CCDC7: variants seen among roughly 807,000 people sequenced by gnomAD.
The protein encoded by CCDC7 is coiled-coil domain-containing protein 7.
Under a neutral mutation model 196.9 loss-of-function variants are expected in CCDC7, and 183 were observed. That is an observed-to-expected ratio of 0.93 (90% CI 0.82 to 1.05). CCDC7 has a LOEUF of 1.05. CCDC7 is among the 50% of genes least tolerant of loss of function. The pLI, the probability that CCDC7 is intolerant of heterozygous loss-of-function variation, is 0.00. For synonymous variants in CCDC7, 525 were observed against 484.6 expected, an observed-to-expected ratio of 1.08 and a Z score of -1.10; for missense variants, 1,540 against 1,482.2, an observed-to-expected ratio of 1.04 and a Z score of -0.64.
chr10:32,501,881 C>G (rs1373457541), intron 9 of CCDC7, among the ~76,000 whole-genome samples: 1 of 152,230 alleles, frequency 6.6e-6, no homozygotes, highest in African/African-American at 2.4e-5. Flanking sequence ...GCTGGGAGAA[C>G]TGCTCCTCTC....
intron 5 of CCDC7, among the ~76,000 whole-genome samples, chr10:32,468,558 T>C (rs957381942): frequency 2.6e-5 from 4 of 152,174 alleles, no homozygotes. Flanking sequence ...CTCTTCCTAT[T>C]TGGATGCCTT....
chr10:32,547,214 C>T (rs937895406), intron 13 of CCDC7, among the ~76,000 whole-genome samples: 2 of 152,002 alleles, frequency 1.3e-5, no homozygotes, highest in Non-Finnish European at 2.9e-5. Context: ...TTTTGTAACA[C>T]CAAGCTCTTG....
chr10:32,718,360 A>G (rs2081932648), intron 25 of CCDC7, among the ~76,000 whole-genome samples: 1 of 152,214 alleles, frequency 6.6e-6, no homozygotes, highest in Non-Finnish European at 1.5e-5. Flanking sequence ...CTAGGTAATG[A>G]TGGGATGTAT....
intron 18 of CCDC7, among the ~76,000 whole-genome samples, chr10:32,633,694 ATATGTG>A (rs1233070818): frequency 9.7e-5 from 11 of 112,960 alleles, no homozygotes; most frequent in African/African-American, 4.6e-4. Context: ...ATATATATAT[ATATGTG>A]TGTGTGTGTG....
At chr10:32,779,298 A>G (rs1003976893) in intron 29 of CCDC7, among the ~76,000 whole-genome samples, 3 of 152,206 alleles carry the variant, frequency 2.0e-5, no homozygotes, top group African/African-American at 4.8e-5. Context: ...GTAATGTTTC[A>G]TATATTTCCC....
At chr10:32,644,633 G>A (rs2067433340) in intron 20 of CCDC7, among the ~76,000 whole-genome samples, 1 of 152,144 alleles carries the variant, frequency 6.6e-6, no homozygotes, top group Non-Finnish European at 1.5e-5. Flanking sequence ...GGACCCAGTG[G>A]GAGATAATGA....
At chr10:32,615,448 A>T (rs1313615729) in intron 18 of CCDC7, among the ~76,000 whole-genome samples, 2 of 152,040 alleles carry the variant, frequency 1.3e-5, no homozygotes, top group East Asian at 1.9e-4. Context: ...ACCGTCTTTC[A>T]TAGTTTGTTG....
chr10:32,584,814 A>G (rs1384179023), intron 18 of CCDC7, among the ~76,000 whole-genome samples: 3 of 149,338 alleles, frequency 2.0e-5, no homozygotes, highest in African/African-American at 4.9e-5. Context: ...TAGAGAGTCT[A>G]TTTTAACTAA....
intron 8 of CCDC7, among the ~76,000 whole-genome samples, chr10:32,487,492 G>C (rs2041354165): frequency 6.6e-6 from 1 of 152,198 alleles, no homozygotes; most frequent in African/African-American, 2.4e-5. Context: ...ACTCGTCGAA[G>C]TCATTCTCCG....
chr10:32,845,647 G>A, intron 35 of CCDC7, 21 bp downstream of exon 36: 1 of 1,569,492 alleles, frequency 6.4e-7, no homozygotes. Flanking sequence ...ACAATTTCAA[G>A]ACTAATATTT....
chr10:32,621,157 T>A (rs2063365761), intron 18 of CCDC7, among the ~76,000 whole-genome samples: 1 of 152,198 alleles, frequency 6.6e-6, no homozygotes, highest in South Asian at 2.1e-4. Context: ...ATATGGTCAC[T>A]TTACTTTGAA....
At chr10:32,847,278 A>G (rs55745034) in intron 37 of CCDC7, among the ~76,000 whole-genome samples, 12,712 of 152,188 alleles carry the variant, frequency 0.084, 576 homozygotes, top group East Asian at 0.16. Context: ...AGATGCTACA[A>G]TATACTACGG....
intron 31 of CCDC7, among the ~76,000 whole-genome samples, chr10:32,823,945 T>G (rs2090698562): frequency 1.3e-5 from 2 of 152,200 alleles, no homozygotes. Context: ...TATTATTCTT[T>G]TTTATCACTG....
intron 8 of CCDC7, among the ~76,000 whole-genome samples, chr10:32,485,045 A>C (rs1032065213): frequency 3.9e-5 from 6 of 152,130 alleles, no homozygotes; most frequent in African/African-American, 1.4e-4. Context: ...GTCTTTTTCT[A>C]TTGATTGGAA....
intron 11 of CCDC7, among the ~76,000 whole-genome samples, chr10:32,532,959 A>G (rs1483289350): frequency 6.6e-6 from 1 of 151,902 alleles, no homozygotes. Flanking sequence ...ATTTACACTC[A>G]GTGTTATTGT....
chr10:32,849,716 A>AAAAG (rs1210889860), intron 39 of CCDC7, among the ~76,000 whole-genome samples: 1 of 151,584 alleles, frequency 6.6e-6, no homozygotes, highest in African/African-American at 2.4e-5. Flanking sequence ...AAAAAAAAAA[A>AAAAG]AAAAGAAAAG....
intron 15 of CCDC7, 133 bp downstream of exon 16, chr10:32,568,024 T>TGAGA: frequency 5.0e-6 from 5 of 999,136 alleles, no homozygotes; most frequent in Non-Finnish European, 6.9e-6. Flanking sequence ...TTTTTTTTTT[T>TGAGA]TGAGATGGAG....
intron 29 of CCDC7, among the ~76,000 whole-genome samples, chr10:32,779,420 A>G (rs546156780): frequency 6.6e-6 from 1 of 152,244 alleles, no homozygotes; most frequent in African/African-American, 2.4e-5. Context: ...GTAATTTCTT[A>G]TACCATCTTT....
chr10:32,704,500 ACTCCATGCTGGGAGAACCACTACT>A (rs2079352027), intron 24 of CCDC7, among the ~76,000 whole-genome samples: 2 of 151,968 alleles, frequency 1.3e-5, no homozygotes, highest in African/African-American at 2.4e-5. Flanking sequence ...CAGATCTCAA[ACTCCATGCTGGGAGAACCACTACT>A]CTCTTCACAG....
Sources: gnomAD v4.1 joint callset for allele counts (sites outside exome capture counted in the v4.1 genomes callset) on GRCh38, gnomAD v4.1.1 for gene constraint, MANE v1.5 for transcripts, NCBI Gene and HGNC (gene_info 2026-07-23, HGNC 2026-07-21) for gene names.